The following AK2 variants were observed in gnomAD, a reference collection of about 807,000 sequenced individuals.
The protein encoded by AK2 is adenylate kinase 2.
A neutral mutation model predicts 24.6 loss-of-function variants in AK2; 15 were observed. The observed-to-expected ratio is 0.61, with a 90% confidence interval of 0.41 to 0.94. The LOEUF (loss-of-function observed/expected upper bound fraction) is 0.94. AK2 is among the 40% of genes least tolerant of loss of function. The pLI, the probability that AK2 is intolerant of heterozygous loss-of-function variation, is 0.00. For synonymous variants in AK2, 102 were observed against 114.0 expected (o/e 0.90, Z 0.67); for missense variants, 257 against 304.1 (o/e 0.85, Z 1.15).
Position 33,010,965 on chromosome 1 carries a change from A to C in AK2, c.*2216T>G, listed in dbSNP as rs919296224. 11 of 1,553,776 alleles carry C rather than the reference A, an allele frequency of 7.1e-6. No homozygotes were observed. The highest frequency in any genetic ancestry group is 2.0e-5 in the Admixed American group (1 of 51,192). On this transcript the variant is annotated 3_prime_UTR_variant, in exon 6 of 6. Coordinates refer to ENST00000672715, the MANE Select transcript of AK2 (RefSeq NM_001625.4). ...GGACATTTCTGTGACAGGTAAAAGC[A>C]GAACCTGCTGAGGCTGAGGAACTCT...
intron 1 of AK2, among the ~76,000 whole-genome samples, chr1:33,027,770 A>C (rs1241864476): frequency 6.6e-6 from 1 of 151,858 alleles, no homozygotes; most frequent in South Asian, 2.1e-4. Context: ...AAAAAGAAAA[A>C]GAAAAAAAGA....
intron 1 of AK2, among the ~76,000 whole-genome samples, chr1:33,032,885 T>C (rs1246296469): frequency 6.6e-6 from 1 of 152,136 alleles, no homozygotes; most frequent in African/African-American, 2.4e-5. Flanking sequence ...TTTCTGGGGC[T>C]GGACATGATG....
At chr1:33,023,829 T>A (rs932641772) in intron 2 of AK2, among the ~76,000 whole-genome samples, 1 of 152,170 alleles carries the variant, frequency 6.6e-6, no homozygotes, top group Non-Finnish European at 1.5e-5. Flanking sequence ...AAGAATACTA[T>A]GAATGAGTGC....
chr1:33,032,391 T>C lies in AK2; in HGVS notation c.93+4345A>G, dbSNP rs549425808. The C allele has an allele frequency of 3.3e-4, 50 of 152,326 alleles. 1 individual carries two copies. Among genetic ancestry groups the C allele is most frequent in the Admixed American group, 2.7e-3 (41 of 15,304 alleles). The allele number at this position is 152,326 out of a possible 1,614,324, so 9.4% of individuals were successfully genotyped here. On this transcript the variant is annotated intron_variant, in intron 1 of 5. Transcript: ENST00000672715. ...TGGAGCTCTGGATTTTTAAGAGAAA[T>C]TGCATAACCGAAAACGCTCTGTGGT... is the stretch of plus-strand genomic sequence containing the variant.
At chr1:33,029,120 G>A (rs139749416) in intron 1 of AK2, 41 of 152,324 alleles carry the variant, frequency 2.7e-4, no homozygotes, top group African/African-American at 9.4e-4. Context: ...ATCCAGCATA[G>A]GGCCTGACAA....
intron 1 of AK2, among the ~76,000 whole-genome samples, chr1:33,033,057 G>A (rs1316524209): frequency 6.6e-6 from 1 of 151,906 alleles, no homozygotes; most frequent in Non-Finnish European, 1.5e-5. Context: ...CAGCTACTCG[G>A]GAGACTGAGG....
rs780567995 is a variant in AK2 at position 33,012,013 on chromosome 1, ACT to A, written c.*1166_*1167del. 126 of 1,535,400 alleles carry A rather than the reference ACT, an allele frequency of 8.2e-5. No individual in the cohort carries two copies. The African/African-American group carries it at 1.6e-3, about 19-fold the overall frequency. ...AAATGAATCCAAGAATAGATCACAC[ACT>A]GTTTTGTTCACACTTGGAAACACAG... is the stretch of plus-strand genomic sequence containing the variant. On this transcript the variant is annotated 3_prime_UTR_variant, in exon 6 of 6. Transcript: ENST00000672715.
chr1:33,029,789 C>T (rs1640124332), intron 1 of AK2, among the ~76,000 whole-genome samples: 1 of 152,174 alleles, frequency 6.6e-6, no homozygotes, highest in African/African-American at 2.4e-5. Context: ...AGCAATCCTC[C>T]CACCACAGCT....
intron 1 of AK2, among the ~76,000 whole-genome samples, chr1:33,024,906 G>A (rs551277974): frequency 6.6e-6 from 1 of 152,320 alleles, no homozygotes; most frequent in East Asian, 1.9e-4. Context: ...GGGAAGACTT[G>A]CTGGGCATGG....
chr1:33,015,528 A>C lies in AK2; in HGVS notation c.426-934T>G, dbSNP rs140334098. 7.9e-5 allele frequency among the ~76,000 whole-genome samples: 12 copies of C among 152,300 alleles called. No individual in the cohort carries two copies. The East Asian group carries it at 2.3e-3, about 29-fold the overall frequency. ...CAAGTGTTTGTTTGCTTATTTAACT[A>C]ATGGTTGCTTTTCTCATGAAGGTCT... On this transcript the variant is annotated intron_variant, in intron 4 of 5. Coordinates refer to ENST00000672715, the MANE Select transcript of AK2 (RefSeq NM_001625.4).
chr1:33,034,309 T>C lies in AK2; in HGVS notation c.93+2427A>G, dbSNP rs115555111. 4.3e-3 allele frequency among the ~76,000 whole-genome samples: 660 copies of C among 152,218 alleles called. 7 individuals are homozygous for C. The highest frequency in any genetic ancestry group is 0.015 in the African/African-American group (627 of 41,512). On this transcript the variant is annotated intron_variant, in intron 1 of 5. Transcript: ENST00000672715. The stretch of plus-strand genomic sequence containing the variant: ...TCATTAGTATAATGTTCTTCTAAAC[T>C]TCCTGAATAAATCATGTCTTACACT...
At chr1:33,030,760 A>G (rs368502816) in intron 1 of AK2, among the ~76,000 whole-genome samples, 35 of 152,348 alleles carry the variant, frequency 2.3e-4, no homozygotes, top group African/African-American at 7.2e-4. Flanking sequence ...AAGTTGCCCA[A>G]GATCACAGAG....
rs372062388 is a variant in AK2, at chr1:33,021,405, G to T, written c.387C>A (p.Ser129Arg). Residue 129 changes from serine (S) to arginine (R), a missense_variant, in exon 4 of 6, where the codon AGC (serine) becomes AGA (arginine). Transcript: ENST00000672715. The stretch of plus-strand genomic sequence containing the variant: ...TTCGGATCAGCAGAGAGTCTGGGAT[G>T]CTGAATTCAATCACAGAATCAAGCT... Reference protein sequence around the residue: ...KEKLDSVIEFSIPDSLLIRRI... With the variant: ...KEKLDSVIEFRIPDSLLIRRI... 1.9e-6 allele frequency: 3 copies of T among 1,613,950 alleles called. No individual in the cohort carries two copies. In the African/African-American group the frequency reaches 4.0e-5, roughly 22 times the overall value.
Position 33,014,512 on chromosome 1 carries a change from G to T in AK2, c.498+10C>A, listed in dbSNP as rs1243568553. ...AAGAAAAGGAAATTTTTTGTCCTGA[G>T]TTTACATACGTCATCTTTCATGGGC... On this transcript the variant is annotated intron_variant, in intron 5 of 5. Coordinates refer to ENST00000672715, the MANE Select transcript of AK2 (RefSeq NM_001625.4). The T allele has an allele frequency of 6.2e-7, 1 of 1,610,684 alleles. No homozygotes were observed. The highest frequency in any genetic ancestry group is 8.5e-7 in the Non-Finnish European group (1 of 1,177,546).
At chr1:33,026,246 T>G (rs896425460) in intron 1 of AK2, among the ~76,000 whole-genome samples, 1 of 152,308 alleles carries the variant, frequency 6.6e-6, no homozygotes. Context: ...TCACCCAGGC[T>G]GGAGTGCAGT....
rs1638673198 is a variant in AK2 at position 33,009,579 on chromosome 1, C to G, written c.*3602G>C. The G allele has an allele frequency of 4.4e-6, 2 of 454,068 alleles. No individual in the cohort carries two copies. Among genetic ancestry groups the G allele is most frequent in the South Asian group, 3.1e-5 (2 of 64,474 alleles). 28.1% of individuals were successfully genotyped at this position (454,068 alleles called of 1,614,324 possible). ...TTCTTCCTATAAATTTCATTTAATG[C>G]CATTAAGGCCAAGAAGGTGGCATAA... On this transcript the variant is annotated 3_prime_UTR_variant, in exon 6 of 6. Coordinates refer to ENST00000672715, the MANE Select transcript of AK2 (RefSeq NM_001625.4).
chr1:33,012,144 T>C lies in AK2; in HGVS notation c.*1037A>G. 6.5e-7 allele frequency: 1 copy of C among 1,535,498 alleles called. No individual in the cohort carries two copies. Among genetic ancestry groups the C allele is most frequent in the African/African-American group, 1.4e-5 (1 of 73,174 alleles). On this transcript the variant is annotated 3_prime_UTR_variant, in exon 6 of 6. Transcript: ENST00000672715. ...CAGCCTGGATGTTCAGAAGACAATCTGAATTCAAAAGGACCTTTCACCTGG... is the reference window on the plus strand; with the variant it reads ...CAGCCTGGATGTTCAGAAGACAATCCGAATTCAAAAGGACCTTTCACCTGG...
rs1194638741 is a variant in AK2 at position 33,010,112 on chromosome 1, T to G, written c.*3069A>C. On this transcript the variant is annotated 3_prime_UTR_variant, in exon 6 of 6. Coordinates refer to ENST00000672715, the MANE Select transcript of AK2 (RefSeq NM_001625.4). The stretch of plus-strand genomic sequence containing the variant: ...TTGCTCATTTATTTAAAAGAGTCCC[T>G]TCACACAGTGCAGATAAAAGAAGGC... 2 of 454,324 alleles carry G rather than the reference T, an allele frequency of 4.4e-6. No homozygotes were observed. Among genetic ancestry groups the G allele is most frequent in the Non-Finnish European group, 8.8e-6 (2 of 226,818 alleles). The allele number at this position is 454,324 out of a possible 1,614,324, so 28.1% of individuals were successfully genotyped here.
chr1:33,024,309 T>C (rs555906226), intron 2 of AK2, 133 bp downstream of exon 2: 15 of 1,230,240 alleles, frequency 1.2e-5, no homozygotes, highest in Non-Finnish European at 1.6e-5. Context: ...ATATGGCTAG[T>C]GCAACTGAGG....
Sources: allele counts gnomAD v4.1 joint callset (sites outside exome capture counted in the v4.1 genomes callset), GRCh38; gene constraint gnomAD v4.1.1; transcripts MANE v1.5; gene names NCBI Gene and HGNC (gene_info 2026-07-23, HGNC 2026-07-21).